NRF1: variants seen among roughly 807,000 people sequenced by gnomAD.
NRF1 encodes alpha palindromic-binding protein.
In NRF1, 5 loss-of-function variants were observed where a neutral mutation model predicts 58.5. The observed-to-expected ratio is 0.09, with a 90% CI of 0.04 to 0.18. NRF1 has a LOEUF of 0.18. NRF1 is among the 10% of genes least tolerant of loss of function. The probability of loss-of-function intolerance (pLI) is 1.00; values close to 1 mark genes in which losing one functional copy is unlikely to be tolerated. For missense variants in NRF1, 288 were observed against 657.7 expected (o/e 0.44, Z 6.15); for synonymous variants, 224 against 246.7 (o/e 0.91, Z 0.86).
At chr7:129,742,350 C>CT (rs79567563) in intron 10 of NRF1, among the ~76,000 whole-genome samples, 6,381 of 150,852 alleles carry the variant, frequency 0.042, 164 homozygotes, top group Middle Eastern at 0.12. Flanking sequence ...TTGAAGGGGT[C>CT]TAAATATGGA....
intron 4 of NRF1, among the ~76,000 whole-genome samples, chr7:129,680,278 T>TA (rs1384068106): frequency 6.6e-6 from 1 of 152,064 alleles, no homozygotes; most frequent in Non-Finnish European, 1.5e-5. Flanking sequence ...GAAATGAAAA[T>TA]AAAAACCACA....
chr7:129,673,322 C>T (rs1411620886), intron 3 of NRF1, among the ~76,000 whole-genome samples: 1 of 152,094 alleles, frequency 6.6e-6, no homozygotes, highest in African/African-American at 2.4e-5. Context: ...GATAAGTGGT[C>T]CTTTGCCCAC....
At chr7:129,749,877 C>T (rs1282406652) in intron 10 of NRF1, among the ~76,000 whole-genome samples, 7 of 151,416 alleles carry the variant, frequency 4.6e-5, no homozygotes, top group Non-Finnish European at 7.4e-5. Flanking sequence ...AATAAAAAGA[C>T]GGGTTGTATT....
At chr7:129,619,459 CGT>C (rs199945725) in intron 1 of NRF1, among the ~76,000 whole-genome samples, 943 of 60,950 alleles carry the variant, frequency 0.015, 20 homozygotes, top group African/African-American at 0.034. Flanking sequence ...TATATATACA[CGT>C]GTGTGTGTGT....
intron 5 of NRF1, among the ~76,000 whole-genome samples, chr7:129,707,636 A>G (rs1044718218): frequency 1.3e-5 from 2 of 152,214 alleles, no homozygotes; most frequent in Non-Finnish European, 2.9e-5. Context: ...CGCATGAGCC[A>G]GCTGATGGGT....
chr7:129,694,488 C>G lies in NRF1; in HGVS notation c.606+3942C>G, dbSNP rs2151094812. ...GAGGCAATTCTCCCACCTCAGCCTC[C>G]TGAGTAGCTGGGACTACAGGCATGC... On this transcript the variant is annotated intron_variant, in intron 5 of 10. Coordinates refer to ENST00000393232, the MANE Select transcript of NRF1 (RefSeq NM_005011.5). 2.6e-5 allele frequency among the ~76,000 whole-genome samples: 4 copies of G among 152,274 alleles called. No individual in the cohort carries two copies. The Middle Eastern group carries it at 0.01, about 388-fold the overall frequency.
At chr7:129,673,604 C>T (rs1490112919) in intron 3 of NRF1, among the ~76,000 whole-genome samples, 7 of 149,844 alleles carry the variant, frequency 4.7e-5, no homozygotes, top group Non-Finnish European at 5.9e-5. Flanking sequence ...GTAGTCCCAG[C>T]TACTCGGGAG....
At chr7:129,673,665 G>C (rs540581188) in intron 3 of NRF1, among the ~76,000 whole-genome samples, 3,070 of 144,528 alleles carry the variant, frequency 0.021, 52 homozygotes, top group Middle Eastern at 0.061. Flanking sequence ...TGCAGTGAGC[G>C]GAGATCGCGC....
At chr7:129,648,878 G>A (rs1460910092) in intron 1 of NRF1, among the ~76,000 whole-genome samples, 4 of 150,164 alleles carry the variant, frequency 2.7e-5, no homozygotes, top group South Asian at 2.1e-4. Context: ...GTCTGTAGTC[G>A]GGGTCTGGAG....
chr7:129,711,941 GA>G (rs1398461470), intron 8 of NRF1, among the ~76,000 whole-genome samples: 31 of 152,134 alleles, frequency 2.0e-4, no homozygotes, highest in Non-Finnish European at 1.6e-4. Context: ...CTGACTAAGG[GA>G]AGCCTTCTTT....
intron 10 of NRF1, among the ~76,000 whole-genome samples, chr7:129,732,468 G>A (rs1468817370): frequency 6.6e-6 from 1 of 152,202 alleles, no homozygotes; most frequent in African/African-American, 2.4e-5. Flanking sequence ...CCTCTTAGCA[G>A]AGCTGCTAAG....
At chr7:129,705,448 G>A (rs1390200086) in intron 5 of NRF1, among the ~76,000 whole-genome samples, 1 of 152,120 alleles carries the variant, frequency 6.6e-6, no homozygotes, top group Non-Finnish European at 1.5e-5. Context: ...GTGCCACCAT[G>A]CCTGGCTAAT....
intron 10 of NRF1, among the ~76,000 whole-genome samples, chr7:129,742,441 G>A (rs545308638): frequency 1.1e-4 from 17 of 152,150 alleles, no homozygotes; most frequent in East Asian, 3.9e-4. Context: ...GCAGTCTTCC[G>A]ACTCTGCCCA....
chr7:129,671,582 A>G, intron 3 of NRF1, 39 bp downstream of exon 3: 1 of 1,093,724 alleles, frequency 9.1e-7, no homozygotes, highest in East Asian at 2.4e-5. Flanking sequence ...TATTCCTCAA[A>G]TACTTCCTGT....
At chr7:129,637,874 T>C (rs570514628) in intron 1 of NRF1, among the ~76,000 whole-genome samples, 1 of 145,406 alleles carries the variant, frequency 6.9e-6, no homozygotes, top group African/African-American at 2.6e-5. Flanking sequence ...TTATTTTTTG[T>C]TTTTTTTTTT....
chr7:129,731,605 CCTTTA>C (rs1043572211), intron 10 of NRF1, among the ~76,000 whole-genome samples: 108 of 132,190 alleles, frequency 8.2e-4, no homozygotes, highest in African/African-American at 2.9e-3. Flanking sequence ...TTAATTCCTT[CCTTTA>C]CTTGTTTGTT....
chr7:129,692,701 A>G (rs754838434), intron 5 of NRF1, among the ~76,000 whole-genome samples: 104 of 152,100 alleles, frequency 6.8e-4, no homozygotes, highest in Non-Finnish European at 7.9e-4. Flanking sequence ...TGAAGGCCCT[A>G]TGTAATCTGA....
intron 9 of NRF1, among the ~76,000 whole-genome samples, chr7:129,720,541 G>C (rs543768901): frequency 1.3e-5 from 2 of 152,308 alleles, no homozygotes; most frequent in South Asian, 2.1e-4. Flanking sequence ...TTTGGGTGCA[G>C]ATAAAACAAG....
chr7:129,616,223 C>A (rs1002842619), intron 1 of NRF1, among the ~76,000 whole-genome samples: 1 of 152,080 alleles, frequency 6.6e-6, no homozygotes, highest in African/African-American at 2.4e-5. Context: ...TTATGTGATA[C>A]CAAGTAAACT....
Sources: allele counts gnomAD v4.1 joint callset (sites outside exome capture counted in the v4.1 genomes callset), GRCh38; gene constraint gnomAD v4.1.1; transcripts MANE v1.5; gene names NCBI Gene and HGNC (gene_info 2026-07-23, HGNC 2026-07-21).